Variants in ARL15 observed in about 807,000 individuals in gnomAD.
The protein encoded by ARL15 is ADP-ribosylation factor-like protein 15.
In ARL15, 19 loss-of-function variants were observed where a neutral mutation model predicts 25.2. The ratio of observed to expected loss-of-function variants is 0.75; its 90% confidence interval spans 0.53 to 1.10. The LOEUF (loss-of-function observed/expected upper bound fraction) is 1.10. Among genes scored for constraint, ARL15 ranks in the 50% least tolerant of loss-of-function variants. ARL15 has a pLI of 0.00. For missense variants in ARL15, 220 were observed against 246.0 expected (o/e 0.89, Z 0.71); for synonymous variants, 94 against 86.8 (o/e 1.08, Z -0.46).
intron 1 of ARL15, among the ~76,000 whole-genome samples, chr5:54,185,004 T>C (rs1302028215): frequency 6.6e-6 from 1 of 152,198 alleles, no homozygotes; most frequent in Non-Finnish European, 1.5e-5. Context: ...ACAGACTCCT[T>C]ATCTGGGCAG....
At position 53,992,907 on chromosome 5, in the gene ARL15, G is replaced by A. The variant is rs1006131517; in HGVS notation, c.463-106194C>T. Among the ~76,000 whole-genome samples, 29 of 152,124 alleles carry A rather than the reference G, an allele frequency of 1.9e-4. 1 individual carries two copies. The highest frequency in any genetic ancestry group is 5.3e-4 in the African/African-American group (22 of 41,434). On this transcript the variant is annotated intron_variant, in intron 4 of 4. Coordinates refer to ENST00000504924, the MANE Select transcript of ARL15 (RefSeq NM_019087.3). ...ACTAAAAATATAAAATTAGCTGGGC[G>A]TAGTGGCGCATGCCTGTAATCCCAG...
At chr5:53,998,720 GTTAC>G (rs1336673444) in intron 4 of ARL15, among the ~76,000 whole-genome samples, 4 of 152,198 alleles carry the variant, frequency 2.6e-5, no homozygotes, top group African/African-American at 9.7e-5. Context: ...CAATCAGCTT[GTTAC>G]TTACTGAGCT....
intron 4 of ARL15, among the ~76,000 whole-genome samples, chr5:53,983,790 A>G (rs1437887869): frequency 6.6e-6 from 1 of 152,212 alleles, no homozygotes; most frequent in Admixed American, 6.5e-5. Flanking sequence ...AATCTCACGC[A>G]GTCCTCTGCC....
At chr5:54,141,531 T>C (rs1753782068) in intron 3 of ARL15, among the ~76,000 whole-genome samples, 1 of 152,202 alleles carries the variant, frequency 6.6e-6, no homozygotes, top group Non-Finnish European at 1.5e-5. Context: ...ATATTTTTAA[T>C]AGTTTTAGTG....
chr5:54,303,465 C>T (rs1758664305), intron 1 of ARL15, among the ~76,000 whole-genome samples: 1 of 152,032 alleles, frequency 6.6e-6, no homozygotes, highest in South Asian at 2.1e-4. Context: ...GAGCTGAGAT[C>T]AAGCCACTGC....
At chr5:54,173,930 T>A (rs1754789392) in intron 1 of ARL15, among the ~76,000 whole-genome samples, 1 of 152,056 alleles carries the variant, frequency 6.6e-6, no homozygotes, top group African/African-American at 2.4e-5. Flanking sequence ...CTTCCCCCAA[T>A]TCTGGACTTA....
intron 3 of ARL15, among the ~76,000 whole-genome samples, chr5:54,145,942 A>G (rs1007339493): frequency 2.6e-5 from 4 of 152,152 alleles, no homozygotes; most frequent in African/African-American, 9.7e-5. Flanking sequence ...GTGTATCTCC[A>G]TGACTTTTGT....
intron 1 of ARL15, among the ~76,000 whole-genome samples, chr5:54,305,645 G>T (rs1477928138): frequency 6.6e-6 from 1 of 152,108 alleles, no homozygotes; most frequent in African/African-American, 2.4e-5. Context: ...CTATGATAAA[G>T]TTTAATGTGT....
chr5:54,009,233 C>CTT (rs1429006967), intron 4 of ARL15, among the ~76,000 whole-genome samples: 1 of 152,194 alleles, frequency 6.6e-6, no homozygotes, highest in Non-Finnish European at 1.5e-5. Context: ...TTGCTTTCGA[C>CTT]TTTTTAATCA....
chr5:54,061,289 G>A (rs1751053744), intron 4 of ARL15, among the ~76,000 whole-genome samples: 1 of 152,174 alleles, frequency 6.6e-6, no homozygotes, highest in African/African-American at 2.4e-5. Context: ...ATGTGGTGTT[G>A]AGCTTGAGGC....
At chr5:54,267,404 A>G (rs1757657715) in intron 1 of ARL15, among the ~76,000 whole-genome samples, 2 of 152,160 alleles carry the variant, frequency 1.3e-5, no homozygotes, top group African/African-American at 2.4e-5. Flanking sequence ...GCTCTGTTTT[A>G]AAGCAATGAT....
intron 1 of ARL15, among the ~76,000 whole-genome samples, chr5:54,198,159 G>A (rs1366520325): frequency 6.6e-6 from 1 of 152,104 alleles, no homozygotes; most frequent in Non-Finnish European, 1.5e-5. Flanking sequence ...AATAATATCA[G>A]CTATCTATGA....
intron 3 of ARL15, among the ~76,000 whole-genome samples, chr5:54,153,541 C>T (rs1754131247): frequency 6.6e-6 from 1 of 151,964 alleles, no homozygotes; most frequent in Admixed American, 6.6e-5. Context: ...TTTTTGGAGT[C>T]AAAATGACAA....
At chr5:53,904,584 C>G (rs2111953330) in intron 4 of ARL15, among the ~76,000 whole-genome samples, 1 of 152,136 alleles carries the variant, frequency 6.6e-6, no homozygotes, top group Non-Finnish European at 1.5e-5. Flanking sequence ...GAAACAGAAG[C>G]TGAAAAATCA....
At chr5:54,034,029 G>T (rs1299274661) in intron 4 of ARL15, among the ~76,000 whole-genome samples, 1 of 152,124 alleles carries the variant, frequency 6.6e-6, no homozygotes, top group Non-Finnish European at 1.5e-5. Context: ...TAGCCAGGAT[G>T]GTCTCGATCT....
At chr5:54,172,409 A>G (rs1033258390) in intron 1 of ARL15, among the ~76,000 whole-genome samples, 3 of 152,096 alleles carry the variant, frequency 2.0e-5, no homozygotes, top group African/African-American at 7.2e-5. Flanking sequence ...ACTGGATCCT[A>G]GATCAAAAGG....
intron 4 of ARL15, among the ~76,000 whole-genome samples, chr5:53,968,132 C>T (rs1421542391): frequency 6.6e-6 from 1 of 152,120 alleles, no homozygotes; most frequent in Non-Finnish European, 1.5e-5. Context: ...CTGGTTTCGT[C>T]TCTTTAATAT....
intron 1 of ARL15, among the ~76,000 whole-genome samples, chr5:54,251,982 A>T (rs1757245777): frequency 6.6e-6 from 1 of 152,248 alleles, no homozygotes; most frequent in African/African-American, 2.4e-5. Context: ...GACCACGTCA[A>T]ACAACTGTTT....
At chr5:54,178,720 C>A (rs1754961048) in intron 1 of ARL15, among the ~76,000 whole-genome samples, 1 of 152,190 alleles carries the variant, frequency 6.6e-6, no homozygotes. Flanking sequence ...TTTTCTAACA[C>A]TAAGCGTTGC....
Sources: allele counts gnomAD v4.1 joint callset (sites outside exome capture counted in the v4.1 genomes callset), GRCh38; gene constraint gnomAD v4.1.1; transcripts MANE v1.5; gene names NCBI Gene and HGNC (gene_info 2026-07-23, HGNC 2026-07-21).